PGK1: variants seen among roughly 807,000 people sequenced by gnomAD.
PGK1 encodes the protein phosphoglycerate kinase 1.
PGK1 carries 3 observed loss-of-function variants against 26.9 expected under a neutral mutation model. The observed-to-expected ratio is 0.11, with a 90% CI of 0.05 to 0.29. PGK1 has a LOEUF of 0.29. Among genes scored for constraint, PGK1 ranks in the 10% least tolerant of loss-of-function variants. The probability of loss-of-function intolerance (pLI) is 1.00; values close to 1 mark genes in which losing one functional copy is unlikely to be tolerated. For missense variants in PGK1, 270 were observed against 314.7 expected (o/e 0.86, Z 1.07); for synonymous variants, 125 against 115.3 (o/e 1.08, Z -0.54).
intron 8 of PGK1, 67 bp downstream of exon 8, chrX:78,123,441 T>C: frequency 1.1e-6 from 1 of 875,981 alleles, no homozygotes; most frequent in East Asian, 3.2e-5. Flanking sequence ...TATTCATTGA[T>C]TCAGCCAATC....
In PGK1 at chrX:78,117,360, A is replaced by C; in HGVS notation, c.466A>C (p.Lys156Gln). ...AGAAGCTTTCCGAGCTTCACTTTCC[A>C]AGCTAGGGGATGTCTATGTCAATGA... is the stretch of plus-strand genomic sequence containing the variant. Reference protein sequence around the residue: ...KIEAFRASLSKLGDVYVNDAF... With the variant: ...KIEAFRASLSQLGDVYVNDAF... Residue 156 changes from lysine (K) to glutamine (Q), a missense_variant, in exon 5 of 11, where the codon AAG becomes CAG. This residue lies in a region of PGK1 where 150 missense variants were observed against 154.6 expected (regional missense o/e 0.97). Coordinates refer to ENST00000373316, the MANE Select transcript of PGK1 (RefSeq NM_000291.4). The C allele has an allele frequency of 3.3e-6, 4 of 1,207,908 alleles. No homozygotes were observed. Among genetic ancestry groups the C allele is most frequent in the Non-Finnish European group, 4.5e-6 (4 of 892,064 alleles).
chrX:78,120,447 T>C (rs1265635337), intron 6 of PGK1, among the ~76,000 whole-genome samples: 3 of 110,161 alleles, frequency 2.7e-5, no homozygotes, highest in African/African-American at 9.9e-5. Flanking sequence ...CATATATAGA[T>C]ATTTTAGATA....
chrX:78,112,231 A>G (rs782328753), intron 2 of PGK1, among the ~76,000 whole-genome samples: 4 of 111,558 alleles, frequency 3.6e-5, no homozygotes, highest in African/African-American at 9.8e-5. Flanking sequence ...GCACACACAC[A>G]TACATGTTTA....
At chrX:78,118,314 G>A (rs1382092401) in intron 6 of PGK1, 144 bp downstream of exon 6, 2 of 636,143 alleles carry the variant, frequency 3.1e-6, no homozygotes, top group South Asian at 2.4e-5. Flanking sequence ...GGGCATGGTG[G>A]CTCACACCTG....
intron 4 of PGK1, 90 bp from the exon 5 acceptor site, chrX:78,117,222 A>C: frequency 1.6e-6 from 1 of 635,146 alleles, no homozygotes; most frequent in Non-Finnish European, 2.6e-6. Flanking sequence ...CAGGGTCTTT[A>C]GAGATGTTCA....
At chrX:78,122,392 A>G (rs1206889883) in intron 6 of PGK1, among the ~76,000 whole-genome samples, 1 of 103,277 alleles carries the variant, frequency 9.7e-6, no homozygotes, top group African/African-American at 3.7e-5. Flanking sequence ...ACAATTAGCA[A>G]TCTTGATGCT....
rs200929179 is a variant in PGK1, at chrX:78,123,158, A to G, written c.757-37A>G. 5.5e-6 allele frequency: 6 copies of G among 1,090,334 alleles called. No individual in the cohort carries two copies. The African/African-American group carries it at 7.3e-5, about 13-fold the overall frequency. The allele number at this position is 1,090,334 out of a possible 1,213,427, so 89.9% of individuals were successfully genotyped here. On this transcript the variant is annotated intron_variant, in intron 7 of 10. Coordinates refer to ENST00000373316, the MANE Select transcript of PGK1 (RefSeq NM_000291.4). ...TGTGAGGCAGTCTTGTTCTTAGTAT[A>G]GATGCTGACCTCCATCATTTTGGCT...
chrX:78,117,200 G>A, intron 4 of PGK1, 112 bp from the exon 5 acceptor site: 2 of 559,696 alleles, frequency 3.6e-6, no homozygotes, highest in Non-Finnish European at 6.3e-6. Context: ...AAAAATCGCT[G>A]TCCCACCTAC....
chrX:78,127,441 A>G lies in PGK1; in HGVS notation c.*1611A>G, dbSNP rs782083785. On this transcript the variant is annotated 3_prime_UTR_variant, in exon 11 of 11. Transcript: ENST00000373316. Reference sequence around the variant, plus strand: ...AGAGAGCAGAGGTAAACATGATTTGAAAAAGCCATGTCTGACCAGAAATTC... The same window carrying G: ...AGAGAGCAGAGGTAAACATGATTTGGAAAAGCCATGTCTGACCAGAAATTC... The G allele has an allele frequency of 4.5e-5, 5 of 112,190 alleles. No homozygotes were observed. The highest frequency in any genetic ancestry group is 1.6e-4 in the African/African-American group (5 of 30,897). The allele number at this position is 112,190 out of a possible 1,213,427, so 9.2% of individuals were successfully genotyped here.
At chrX:78,115,951 T>G (rs1357861199) in intron 4 of PGK1, among the ~76,000 whole-genome samples, 1 of 110,855 alleles carries the variant, frequency 9.0e-6, no homozygotes, top group Non-Finnish European at 1.9e-5. Context: ...AGGGCTGAAG[T>G]GATCCTCCTG....
At chrX:78,108,030 GCAGTTC>G (rs1177299106) in intron 1 of PGK1, among the ~76,000 whole-genome samples, 1 of 111,333 alleles carries the variant, frequency 9.0e-6, no homozygotes, top group Non-Finnish European at 1.9e-5. Flanking sequence ...GTAGGCAAGA[GCAGTTC>G]CTGTGTTGGA....
intron 8 of PGK1, among the ~76,000 whole-genome samples, chrX:78,123,792 A>G (rs1419586456): frequency 9.1e-6 from 1 of 110,328 alleles, no homozygotes; most frequent in Non-Finnish European, 1.9e-5. Context: ...TATTTTTCAT[A>G]GAGACGGGGT....
At chrX:78,112,525 T>G (rs2078306342) in intron 2 of PGK1, among the ~76,000 whole-genome samples, 1 of 112,341 alleles carries the variant, frequency 8.9e-6, no homozygotes, top group Non-Finnish European at 1.9e-5. Flanking sequence ...GAAACCAAGC[T>G]CTAGACAGTG....
intron 1 of PGK1, among the ~76,000 whole-genome samples, chrX:78,108,313 G>A (rs373599520): frequency 2.2e-4 from 25 of 111,934 alleles, no homozygotes; most frequent in African/African-American, 8.1e-4. Flanking sequence ...TAGGCCTTCT[G>A]GGAGGTTGCA....
At chrX:78,125,451 G>A in intron 10 of PGK1, 26 bp downstream of exon 10, 1 of 1,035,607 alleles carries the variant, frequency 9.7e-7, no homozygotes, top group African/African-American at 1.8e-5. Context: ...TTTTTGGCTT[G>A]TTTGGGATAA....
At chrX:78,118,446 G>A (rs375949439) in intron 6 of PGK1, among the ~76,000 whole-genome samples, 1 of 110,170 alleles carries the variant, frequency 9.1e-6, no homozygotes, top group African/African-American at 3.3e-5. Flanking sequence ...GGCGGTGGTG[G>A]TATGCACCTG....
At chrX:78,112,700 A>G (rs1394185743) in intron 2 of PGK1, among the ~76,000 whole-genome samples, 2 of 112,029 alleles carry the variant, frequency 1.8e-5, no homozygotes, top group Non-Finnish European at 3.8e-5. Context: ...AGGGGTCCCC[A>G]AGATCACCCA....
intron 8 of PGK1, among the ~76,000 whole-genome samples, chrX:78,123,809 A>G (rs1247267607): frequency 5.4e-5 from 6 of 110,586 alleles, no homozygotes; most frequent in Non-Finnish European, 3.8e-5. Context: ...GGGTTTCACC[A>G]TGTTGGTCAG....
At position 78,123,206 on chromosome X, in the gene PGK1, T is replaced by C. The variant is rs1557248224; in HGVS notation, c.768T>C (p.Ser256=). 1 of 1,203,803 alleles carries C rather than the reference T, an allele frequency of 8.3e-7. No homozygotes were observed. The highest frequency in any genetic ancestry group is 1.1e-6 in the Non-Finnish European group (1 of 891,029). The change falls in exon 8 of 11, where the codon TCT becomes TCC. Residue 256 remains serine, a synonymous_variant. Coordinates refer to ENST00000373316, the MANE Select transcript of PGK1 (RefSeq NM_000291.4). ...GCTCCCCTGTGTAGATTGGCACTTC[T>C]CTGTTTGATGAAGAGGGAGCCAAGA... is the stretch of plus-strand genomic sequence containing the variant. ...KVLNNMEIGT[S]LFDEEGAKIV...
Sources: gnomAD v4.1 joint callset for allele counts (sites outside exome capture counted in the v4.1 genomes callset) on GRCh38, gnomAD v4.1.1 for gene constraint, gnomAD v4.1.1 regional missense constraint, MANE v1.5 for transcripts, NCBI Gene and HGNC (gene_info 2026-07-23, HGNC 2026-07-21) for gene names.